The following GNAQ variants were observed in gnomAD, a reference collection of about 807,000 sequenced individuals.
The protein encoded by GNAQ is G protein subunit alpha q, also known as guanine nucleotide-binding protein G(q) subunit alpha.
A neutral mutation model predicts 43.9 loss-of-function variants in GNAQ; 8 were observed. The observed-to-expected ratio is 0.18, with a 90% CI of 0.11 to 0.33. GNAQ has a LOEUF of 0.33. Among genes scored for constraint, GNAQ ranks in the 10% least tolerant of loss-of-function variants. GNAQ has a pLI of 1.00. For synonymous variants in GNAQ, 155 were observed against 170.7 expected (o/e 0.91, Z 0.71); for missense variants, 158 against 450.8 (o/e 0.35, Z 5.88).
chr9:77,769,664 C>CTTTT (rs539379703), intron 5 of GNAQ, among the ~76,000 whole-genome samples: 1 of 129,118 alleles, frequency 7.7e-6, no homozygotes. Flanking sequence ...GACAAGAACT[C>CTTTT]TTTTTTTTTT....
chr9:77,861,464 C>A (rs949940174), intron 2 of GNAQ, among the ~76,000 whole-genome samples: 2 of 152,198 alleles, frequency 1.3e-5, no homozygotes, highest in African/African-American at 4.8e-5. Flanking sequence ...AGTCCAAAGT[C>A]TCATCTGAGA....
chr9:77,731,991 C>T (rs1306895647), intron 5 of GNAQ, among the ~76,000 whole-genome samples: 1 of 152,050 alleles, frequency 6.6e-6, no homozygotes, highest in African/African-American at 2.4e-5. Context: ...AGTTACAAAC[C>T]GACATGCTCT....
intron 1 of GNAQ, among the ~76,000 whole-genome samples, chr9:77,969,440 T>G (rs1039990146): frequency 6.6e-6 from 1 of 152,228 alleles, no homozygotes; most frequent in African/African-American, 2.4e-5. Context: ...ATTAGCCTGA[T>G]GCGACAGCCA....
intron 2 of GNAQ, among the ~76,000 whole-genome samples, chr9:77,833,906 G>A (rs879607377): frequency 6.6e-5 from 10 of 152,152 alleles, no homozygotes; most frequent in Non-Finnish European, 1.5e-4. Flanking sequence ...CTTCCAACAT[G>A]TAGGCAAAGA....
chr9:77,947,776 T>C (rs1437746350), intron 1 of GNAQ, among the ~76,000 whole-genome samples: 1 of 152,194 alleles, frequency 6.6e-6, no homozygotes, highest in Admixed American at 6.5e-5. Flanking sequence ...AGCATGAGAT[T>C]CTGCATGTCT....
chr9:77,900,016 C>T (rs569877143), intron 2 of GNAQ, among the ~76,000 whole-genome samples: 2 of 152,246 alleles, frequency 1.3e-5, no homozygotes, highest in South Asian at 4.1e-4. Flanking sequence ...ATGTACTCAG[C>T]CCTTCCAGAG....
chr9:77,909,481 A>G (rs1192868736), intron 2 of GNAQ, among the ~76,000 whole-genome samples: 1 of 152,200 alleles, frequency 6.6e-6, no homozygotes, highest in African/African-American at 2.4e-5. Flanking sequence ...AGGGAGGCCA[A>G]TATCGACAAC....
At position 77,909,007 on chromosome 9, in the gene GNAQ, T is replaced by A. The variant is rs570590459; in HGVS notation, c.321+13154A>T. Among the ~76,000 whole-genome samples, 4 of 152,316 alleles carry A rather than the reference T, an allele frequency of 2.6e-5. No individual in the cohort carries two copies. In the East Asian group the frequency reaches 7.7e-4, roughly 29 times the overall value. On this transcript the variant is annotated intron_variant, in intron 2 of 6. Transcript: ENST00000286548. Reference sequence around the variant, plus strand: ...CTGTCATCACTGGAATATGTGGCACTTCTGTGCATATGAGAATAATGTACC... The same window carrying A: ...CTGTCATCACTGGAATATGTGGCACATCTGTGCATATGAGAATAATGTACC...
intron 5 of GNAQ, among the ~76,000 whole-genome samples, chr9:77,749,874 G>C (rs1365276308): frequency 6.6e-6 from 1 of 152,028 alleles, no homozygotes; most frequent in Non-Finnish European, 1.5e-5. Flanking sequence ...TTACGACCCA[G>C]TAAATGGGTT....
chr9:77,885,296 T>C (rs1315595641), intron 2 of GNAQ, among the ~76,000 whole-genome samples: 2 of 152,170 alleles, frequency 1.3e-5, no homozygotes, highest in Non-Finnish European at 2.9e-5. Context: ...CGGGGAAGGC[T>C]GAGACCAGCC....
chr9:77,957,856 A>G (rs540722717), intron 1 of GNAQ, among the ~76,000 whole-genome samples: 2 of 152,086 alleles, frequency 1.3e-5, no homozygotes, highest in Non-Finnish European at 2.9e-5. Context: ...TGTCGCTACT[A>G]ATCATTTCTG....
intron 1 of GNAQ, among the ~76,000 whole-genome samples, chr9:77,955,823 T>A (rs1243830120): frequency 6.6e-6 from 1 of 152,192 alleles, no homozygotes; most frequent in Non-Finnish European, 1.5e-5. Flanking sequence ...TGACTAAATA[T>A]TCAGCAGACT....
chr9:77,786,525 T>C (rs1160804113), intron 5 of GNAQ, among the ~76,000 whole-genome samples: 5 of 152,128 alleles, frequency 3.3e-5, no homozygotes, highest in Admixed American at 6.5e-5. Flanking sequence ...TATTTGCTGA[T>C]TCTGGAAGCA....
chr9:77,919,132 C>T (rs562686727), intron 2 of GNAQ, among the ~76,000 whole-genome samples: 1 of 152,268 alleles, frequency 6.6e-6, no homozygotes, highest in South Asian at 2.1e-4. Context: ...GCTAGCCAGG[C>T]TGGTCTCAAA....
intron 2 of GNAQ, among the ~76,000 whole-genome samples, chr9:77,872,533 G>A (rs1055864026): frequency 1.3e-5 from 2 of 152,076 alleles, no homozygotes; most frequent in African/African-American, 4.8e-5. Context: ...AACTGTTCCT[G>A]CCTCCAAGAA....
intron 2 of GNAQ, among the ~76,000 whole-genome samples, chr9:77,906,655 C>CT (rs769435310): frequency 3.3e-5 from 5 of 152,236 alleles, no homozygotes; most frequent in Admixed American, 6.5e-5. Flanking sequence ...ACTGAAAAGA[C>CT]TTTTTTTGTA....
intron 3 of GNAQ, among the ~76,000 whole-genome samples, chr9:77,809,298 A>T (rs1271004772): frequency 1.3e-5 from 2 of 152,204 alleles, no homozygotes; most frequent in Non-Finnish European, 2.9e-5. Context: ...TGGTCTCTTA[A>T]GGCAAACACA....
intron 1 of GNAQ, among the ~76,000 whole-genome samples, chr9:77,937,082 AT>A (rs1267657057): frequency 1.3e-5 from 2 of 152,192 alleles, no homozygotes; most frequent in African/African-American, 2.4e-5. Flanking sequence ...AGTACAGGTA[AT>A]TAATTTTTTT....
chr9:77,923,434 T>C (rs1434817239), intron 1 of GNAQ, among the ~76,000 whole-genome samples: 1 of 152,150 alleles, frequency 6.6e-6, no homozygotes, highest in Non-Finnish European at 1.5e-5. Flanking sequence ...CTAACAGAGC[T>C]ATATATGTCC....
Sources: gnomAD v4.1 joint callset for allele counts (sites outside exome capture counted in the v4.1 genomes callset) on GRCh38, gnomAD v4.1.1 for gene constraint, MANE v1.5 for transcripts, NCBI Gene and HGNC (gene_info 2026-07-23, HGNC 2026-07-21) for gene names.